FBXL13: variants seen among roughly 807,000 people sequenced by gnomAD.
FBXL13 encodes F-box and leucine rich repeat protein 13.
FBXL13 carries 67 observed loss-of-function variants against 83.6 expected under a neutral mutation model. That is an observed-to-expected ratio of 0.80 (90% confidence interval 0.66 to 0.98). The LOEUF is 0.98. Ranked by LOEUF, FBXL13 falls within the 50% of genes least tolerant of loss-of-function variation. The pLI is 0.00. For missense variants in FBXL13, 822 were observed against 866.5 expected (o/e 0.95, Z 0.64); for synonymous variants, 272 against 299.5 (o/e 0.91, Z 0.95).
At chr7:102,900,983 G>C (rs1320365717) in intron 11 of FBXL13, among the ~76,000 whole-genome samples, 2 of 152,194 alleles carry the variant, frequency 1.3e-5, no homozygotes, top group African/African-American at 4.8e-5. Flanking sequence ...ACTTACTGAG[G>C]CCAGGCAGGC....
chr7:102,951,400 T>TAAATAAATAAATAAATAAATAAAA (rs1387638135), intron 8 of FBXL13, among the ~76,000 whole-genome samples: 1 of 149,596 alleles, frequency 6.7e-6, no homozygotes, highest in African/African-American at 2.5e-5. Context: ...AATAAATAAA[T>TAAATAAATAAATAAATAAATAAAA]AAAAGTTAAT....
At position 103,033,468 on chromosome 7, in the gene FBXL13, G is replaced by A. The variant is rs535399391; in HGVS notation, c.1-4050C>T. Among the ~76,000 whole-genome samples, 33 of 152,344 alleles carry A rather than the reference G, an allele frequency of 2.2e-4. 1 individual carries two copies. The Middle Eastern group carries it at 0.02, about 94-fold the overall frequency. On this transcript the variant is annotated intron_variant, in intron 2 of 19. Transcript: ENST00000313221. Reference sequence around the variant, plus strand: ...GAGTGTTACAGTTCTTAAAGGCGGCGTGTCTGGAGTTTGTTCCTTCTGATG... The same window carrying A: ...GAGTGTTACAGTTCTTAAAGGCGGCATGTCTGGAGTTTGTTCCTTCTGATG...
At chr7:102,973,183 T>G (rs1174056822) in intron 6 of FBXL13, 2 of 207,758 alleles carry the variant, frequency 9.6e-6, no homozygotes, top group African/African-American at 4.7e-5. Flanking sequence ...TTATCAGCCT[T>G]CCTTTCATTT....
intron 8 of FBXL13, among the ~76,000 whole-genome samples, chr7:102,958,372 A>T (rs186258164): frequency 4.0e-4 from 59 of 147,684 alleles, no homozygotes; most frequent in African/African-American, 1.4e-3. Context: ...AACATCACAC[A>T]GTGGGGTCTG....
At chr7:102,856,323 C>T (rs1485802502) in intron 16 of FBXL13, among the ~76,000 whole-genome samples, 1 of 152,144 alleles carries the variant, frequency 6.6e-6, no homozygotes, top group Non-Finnish European at 1.5e-5. Context: ...CCAATAGAAT[C>T]CAAATTGTTT....
chr7:102,861,986 A>G, intron 16 of FBXL13, among the ~76,000 whole-genome samples: 1 of 151,608 alleles, frequency 6.6e-6, no homozygotes, highest in Non-Finnish European at 1.5e-5. Flanking sequence ...TGTCTCCAAA[A>G]AAAAAAAAAA....
At chr7:102,940,338 T>C (rs928013189) in intron 8 of FBXL13, among the ~76,000 whole-genome samples, 6 of 151,786 alleles carry the variant, frequency 4.0e-5, no homozygotes, top group Non-Finnish European at 8.8e-5. Flanking sequence ...GCCTCCCAAG[T>C]AGCTGGAACT....
chr7:103,044,264 T>C (rs1027875268), intron 2 of FBXL13, among the ~76,000 whole-genome samples: 1 of 152,212 alleles, frequency 6.6e-6, no homozygotes, highest in African/African-American at 2.4e-5. Flanking sequence ...ACAAGGAGAA[T>C]TCTTGTCCAT....
chr7:102,892,978 A>G (rs1356866644), intron 11 of FBXL13, among the ~76,000 whole-genome samples: 3 of 152,234 alleles, frequency 2.0e-5, no homozygotes, highest in Non-Finnish European at 4.4e-5. Flanking sequence ...ATTCCATACA[A>G]TAAAGGAAAA....
At chr7:102,853,428 C>A (rs1805561268) in intron 17 of FBXL13, among the ~76,000 whole-genome samples, 1 of 152,082 alleles carries the variant, frequency 6.6e-6, no homozygotes, top group South Asian at 2.1e-4. Flanking sequence ...TAGAAGAAAA[C>A]CTAGGCATTA....
At chr7:102,921,915 G>C (rs1197249721) in intron 10 of FBXL13, among the ~76,000 whole-genome samples, 4 of 152,036 alleles carry the variant, frequency 2.6e-5, no homozygotes, top group African/African-American at 9.7e-5. Flanking sequence ...TCAAGTCCAG[G>C]CATGGTGGCT....
chr7:102,917,818 G>A (rs532755724), intron 10 of FBXL13, among the ~76,000 whole-genome samples: 1 of 152,184 alleles, frequency 6.6e-6, no homozygotes, highest in Non-Finnish European at 1.5e-5. Context: ...TGCCAAATGA[G>A]GTGCTGAGAG....
At chr7:102,857,933 G>A (rs1458330137) in intron 16 of FBXL13, among the ~76,000 whole-genome samples, 1 of 152,074 alleles carries the variant, frequency 6.6e-6, no homozygotes, top group Admixed American at 6.6e-5. Flanking sequence ...ATATGATCCA[G>A]CAATCTCACT....
intron 1 of FBXL13, among the ~76,000 whole-genome samples, chr7:103,058,594 T>G (rs1321587278): frequency 6.6e-6 from 1 of 152,176 alleles, no homozygotes; most frequent in South Asian, 2.1e-4. Flanking sequence ...TCACTCTACA[T>G]CCTTTTCTCC....
chr7:102,814,078 A>T (rs1797663875), intron 19 of FBXL13, among the ~76,000 whole-genome samples: 1 of 152,180 alleles, frequency 6.6e-6, no homozygotes. Flanking sequence ...ACACAGTATT[A>T]AAAAATACTG....
intron 1 of FBXL13, among the ~76,000 whole-genome samples, chr7:103,060,137 G>A (rs567288627): frequency 6.9e-6 from 1 of 145,008 alleles, no homozygotes; most frequent in East Asian, 2.1e-4. Flanking sequence ...TCAACCCAGT[G>A]TAACCTCAAG....
chr7:102,922,385 G>A (rs1262062783), intron 10 of FBXL13, among the ~76,000 whole-genome samples: 1 of 151,850 alleles, frequency 6.6e-6, no homozygotes, highest in African/African-American at 2.4e-5. Context: ...ATCAAATCAT[G>A]CAAATGCAAA....
In FBXL13 at chr7:102,884,080, C is replaced by G. The variant is rs1357611631; in HGVS notation, c.1107+134G>C. On this transcript the variant is annotated intron_variant, in intron 12 of 19. Coordinates refer to ENST00000313221, the Ensembl canonical transcript of FBXL13. ...TCAAGGGTATGTGCATGTGTGGAAA[C>G]TTTTCAATGATTTTATTACTATTTT... The G allele has an allele frequency of 1.2e-5, 8 of 668,208 alleles. No homozygotes were observed. The East Asian group carries it at 2.2e-4, about 19-fold the overall frequency. 41.4% of individuals were successfully genotyped at this position (668,208 alleles called of 1,614,324 possible).
At chr7:103,025,066 T>C (rs1214665000) in exon 6 of FBXL13, 2 of 1,607,240 alleles carry the variant, frequency 1.2e-6, no homozygotes, top group East Asian at 4.5e-5. Flanking sequence ...TACAAACCTG[T>C]AATATTGCTC....
Sources: allele counts gnomAD v4.1 joint callset (sites outside exome capture counted in the v4.1 genomes callset), GRCh38; gene constraint gnomAD v4.1.1; transcripts MANE v1.5; gene names NCBI Gene and HGNC (gene_info 2026-07-23, HGNC 2026-07-21).